Variants in NAV3 observed in about 807,000 individuals in gnomAD.
The protein encoded by NAV3 is pore membrane and/or filament interacting like protein 1.
Under a neutral mutation model 244.7 loss-of-function variants are expected in NAV3, and 87 were observed. The ratio of observed to expected loss-of-function variants is 0.36; its 90% CI spans 0.30 to 0.42. The LOEUF is 0.42. Ranked by LOEUF, NAV3 falls within the 20% of genes least tolerant of loss-of-function variation. The pLI is 1.00. For missense variants in NAV3, 2,663 were observed against 2,893.3 expected (o/e 0.92, Z 1.83); for synonymous variants, 1,126 against 1,042.2 (o/e 1.08, Z -1.55).
At chr12:77,908,063 G>A (rs1886182291) in intron 1 of NAV3, among the ~76,000 whole-genome samples, 1 of 151,992 alleles carries the variant, frequency 6.6e-6, no homozygotes, top group African/African-American at 2.4e-5. Flanking sequence ...ATACTATAGA[G>A]TTGTGGTTTA....
At chr12:77,624,786 C>A (rs1871543068) in intron 2 of NAV3, among the ~76,000 whole-genome samples, 2 of 152,194 alleles carry the variant, frequency 1.3e-5, no homozygotes, top group Non-Finnish European at 2.9e-5. Flanking sequence ...TCTTCGAGCC[C>A]TTTCAAATAC....
intron 9 of NAV3, chr12:78,037,242 T>C (rs755876764): frequency 1.0e-4 from 70 of 702,732 alleles, no homozygotes; most frequent in Non-Finnish European, 1.6e-4. Context: ...TGAAAACGTG[T>C]CCTCCAAGCC....
At chr12:77,937,680 A>C (rs184949262) in intron 1 of NAV3, among the ~76,000 whole-genome samples, 1 of 152,276 alleles carries the variant, frequency 6.6e-6, no homozygotes, top group African/African-American at 2.4e-5. Context: ...GTGAAGTGGA[A>C]GGCAGGCAGA....
intron 2 of NAV3, among the ~76,000 whole-genome samples, chr12:77,687,076 A>G (rs1345077873): frequency 6.6e-6 from 1 of 152,028 alleles, no homozygotes; most frequent in Non-Finnish European, 1.5e-5. Flanking sequence ...TACCATATGC[A>G]TATTTCTCCC....
chr12:78,085,002 C>A (rs983407264), intron 12 of NAV3, among the ~76,000 whole-genome samples: 1 of 151,858 alleles, frequency 6.6e-6, no homozygotes, highest in African/African-American at 2.4e-5. Flanking sequence ...GAGAAAAAGA[C>A]ATATAAAAAG....
chr12:77,668,147 T>G lies in NAV3; in HGVS notation c.72+95881T>G, dbSNP rs369125820. Among the ~76,000 whole-genome samples the G allele has an allele frequency of 1.7e-4, 26 of 152,256 alleles. No homozygotes were observed. The East Asian group carries it at 1.7e-3, about 10-fold the overall frequency. On this transcript the variant is annotated intron_variant, in intron 2 of 8. Transcript: ENST00000550042. ...ACAAAAGAATCTGAACAGCAGCCCT[T>G]GAGTTCTGGATCTGACCTAGTCTAC...
At position 78,086,073 on chromosome 12, in the gene NAV3, T is replaced by C. The variant is rs78363750; in HGVS notation, c.2636+26958T>C. On this transcript the variant is annotated intron_variant, in intron 12 of 39. Coordinates refer to ENST00000397909, the MANE Select transcript of NAV3 (RefSeq NM_001024383.2). ...GGTAAGTTACTTCACTTCTCCAAGC[T>C]TGTATCCTTTTCTACAAAATAATTA... Among the ~76,000 whole-genome samples, 222 of 152,224 alleles carry C rather than the reference T, an allele frequency of 1.5e-3. 6 individuals carry two copies. The East Asian group carries it at 0.039, about 27-fold the overall frequency.
chr12:77,692,447 A>G (rs1439266961), intron 2 of NAV3, among the ~76,000 whole-genome samples: 3 of 152,054 alleles, frequency 2.0e-5, no homozygotes, highest in Admixed American at 2.0e-4. Flanking sequence ...TCAATCTGTA[A>G]GATGGCAATG....
chr12:78,140,378 A>C, intron 20 of NAV3, 44 bp downstream of exon 20: 9 of 1,465,462 alleles, frequency 6.1e-6, no homozygotes, highest in Non-Finnish European at 7.6e-6. Flanking sequence ...TTTGCCATGC[A>C]CACAGATGAT....
intron 1 of NAV3, among the ~76,000 whole-genome samples, chr12:77,838,188 A>G (rs1405041477): frequency 2.6e-5 from 4 of 152,192 alleles, no homozygotes; most frequent in African/African-American, 9.7e-5. Context: ...TTCACAGTTA[A>G]ACTGTCGTGG....
At chr12:77,847,164 CAA>C (rs1333128628) in intron 1 of NAV3, among the ~76,000 whole-genome samples, 1 of 152,138 alleles carries the variant, frequency 6.6e-6, no homozygotes, top group African/African-American at 2.4e-5. Flanking sequence ...CACACTTTAA[CAA>C]TAGGCCATTG....
intron 2 of NAV3, among the ~76,000 whole-genome samples, chr12:77,651,028 A>G (rs574283667): frequency 6.6e-6 from 1 of 152,250 alleles, no homozygotes; most frequent in South Asian, 2.1e-4. Context: ...TGACTCAGTT[A>G]TTAAAACTGG....
At chr12:78,159,428 C>T (rs1239943987) in intron 23 of NAV3, 142 bp downstream of exon 23, 2 of 690,874 alleles carry the variant, frequency 2.9e-6, no homozygotes, top group African/African-American at 3.7e-5. Flanking sequence ...CTTTGGGAGA[C>T]CAAGGTGGGT....
chr12:77,750,432 T>C (rs1222704203), intron 2 of NAV3, among the ~76,000 whole-genome samples: 2 of 151,922 alleles, frequency 1.3e-5, no homozygotes, highest in Non-Finnish European at 2.9e-5. Flanking sequence ...CTTGGAAGGC[T>C]GAGGTAGGAG....
At chr12:78,163,095 A>G (rs2139462842) in intron 23 of NAV3, among the ~76,000 whole-genome samples, 1 of 151,442 alleles carries the variant, frequency 6.6e-6, no homozygotes, top group Admixed American at 6.6e-5. Context: ...CAAGGTGGTT[A>G]CATGTTCTTG....
At chr12:77,752,445 A>AT (rs982066018) in intron 2 of NAV3, among the ~76,000 whole-genome samples, 6 of 152,178 alleles carry the variant, frequency 3.9e-5, no homozygotes, top group African/African-American at 1.4e-4. Flanking sequence ...CCGAGAGTCC[A>AT]TTTTTCTTAG....
chr12:77,708,185 G>GT (rs1875926074), intron 2 of NAV3, among the ~76,000 whole-genome samples: 1 of 152,054 alleles, frequency 6.6e-6, no homozygotes, highest in Non-Finnish European at 1.5e-5. Flanking sequence ...GGTTTTTATG[G>GT]TTTAGGTCTA....
chr12:77,824,792 C>G (rs554900423), intron 2 of NAV3, among the ~76,000 whole-genome samples: 58 of 152,058 alleles, frequency 3.8e-4, no homozygotes, highest in African/African-American at 1.3e-3. Flanking sequence ...ACTTGGGAGG[C>G]TGAGGCAGCA....
At chr12:77,755,563 CT>C (rs1225262171) in intron 2 of NAV3, among the ~76,000 whole-genome samples, 1 of 56,360 alleles carries the variant, frequency 1.8e-5, no homozygotes, top group African/African-American at 1.0e-4. Flanking sequence ...CTTTCCTTTC[CT>C]TTCCTTTCCT....
Sources: allele counts gnomAD v4.1 joint callset (sites outside exome capture counted in the v4.1 genomes callset), GRCh38; gene constraint gnomAD v4.1.1; transcripts MANE v1.5; gene names NCBI Gene and HGNC (gene_info 2026-07-23, HGNC 2026-07-21).